RPL37: variants seen among roughly 807,000 people sequenced by gnomAD.
The protein encoded by RPL37 is large ribosomal subunit protein eL37.
RPL37 carries 1 observed loss-of-function variant against 14.8 expected under a neutral mutation model. The observed-to-expected ratio is 0.07, with a 90% CI of 0.02 to 0.32. The LOEUF (loss-of-function observed/expected upper bound fraction) is 0.32. Among genes scored for constraint, RPL37 ranks in the 10% least tolerant of loss-of-function variants. The probability of loss-of-function intolerance (pLI) is 1.00; values close to 1 mark genes in which losing one functional copy is unlikely to be tolerated. For missense variants in RPL37, 100 were observed against 128.3 expected (o/e 0.78, Z 1.06); for synonymous variants, 53 against 45.8 (o/e 1.16, Z -0.63).
rs1259893199 is a variant in RPL37, at chr5:40,825,537, T to TG, written c.*6966dup. 2 of 152,266 alleles carry TG rather than the reference T, an allele frequency of 1.3e-5. No individual in the cohort carries two copies. Among genetic ancestry groups the TG allele is most frequent in the African/African-American group, 4.8e-5 (2 of 41,452 alleles). The allele number at this position is 152,266 out of a possible 1,614,324, so 9.4% of individuals were successfully genotyped here. On this transcript the variant is annotated 3_prime_UTR_variant, in exon 4 of 4. Coordinates refer to ENST00000274242, the MANE Select transcript of RPL37 (RefSeq NM_000997.5). Reference sequence around the variant, plus strand: ...TTCTGGCTTCTTATCTCTCCTCTCTTGGGGAGCTGCTGCTTCTCTGTAGGT... The same window carrying TG: ...TTCTGGCTTCTTATCTCTCCTCTCTTGGGGGAGCTGCTGCTTCTCTGTAGGT...
rs1207168066 is a variant in RPL37 at position 40,830,954 on chromosome 5, TTGA to T, written c.*1547_*1549del. The T allele has an allele frequency of 6.6e-6, 1 of 151,862 alleles. No individual in the cohort carries two copies. The highest frequency in any genetic ancestry group is 2.4e-5 in the African/African-American group (1 of 41,332). 9.4% of individuals were successfully genotyped at this position (151,862 alleles called of 1,614,324 possible). A position where few individuals can be genotyped will look rare whatever the true frequency, so the allele number is the denominator to read the frequency against. ...CAACAGACTATCTTCACTTGAAAAT[TTGA>T]TGATGACAGCCGGGAGTGGTGGCTC... On this transcript the variant is annotated 3_prime_UTR_variant, in exon 4 of 4. Coordinates refer to ENST00000274242, the MANE Select transcript of RPL37 (RefSeq NM_000997.5).
At chr5:40,834,945 A>G in intron 1 of RPL37, 1 of 633,818 alleles carries the variant, frequency 1.6e-6, no homozygotes, top group Non-Finnish European at 2.8e-6. Flanking sequence ...AAAGGTCTCC[A>G]AAGGTTGGAC....
Position 40,832,457 on chromosome 5 carries a change from A to AT in RPL37, c.*46dup. On this transcript the variant is annotated 3_prime_UTR_variant, in exon 4 of 4. Coordinates refer to ENST00000274242, the MANE Select transcript of RPL37 (RefSeq NM_000997.5). ...AATACCTTACCAAAACCAGATATGT[A>AT]TTTTTTAAAACCAGAACATTTATTG... is the stretch of plus-strand genomic sequence containing the variant. 4 of 1,521,806 alleles carry AT rather than the reference A, an allele frequency of 2.6e-6. No homozygotes were observed. The highest frequency in any genetic ancestry group is 2.3e-5 in the East Asian group (1 of 44,412). 94.3% of individuals were successfully genotyped at this position (1,521,806 alleles called of 1,614,324 possible).
intron 1 of RPL37, 21 bp downstream of exon 1, chr5:40,835,162 A>C (rs761318731): frequency 1.9e-6 from 3 of 1,614,102 alleles, no homozygotes; most frequent in Non-Finnish European, 2.5e-6. Context: ...GCGATTCACA[A>C]ACACCACAGT....
At chr5:40,834,787 C>T (rs1416810663) in intron 1 of RPL37, among the ~76,000 whole-genome samples, 181 bp from the exon 2 acceptor site, 2 of 152,210 alleles carry the variant, frequency 1.3e-5, no homozygotes, top group African/African-American at 4.8e-5. Flanking sequence ...TTACCTAAAA[C>T]CCTCCGCAAG....
chr5:40,828,092 T>C lies in RPL37; in HGVS notation c.*4412A>G, dbSNP rs745486401. Reference sequence around the variant, plus strand: ...TTGCTTTTCTTACATGAAGTTATGCTATTACAAAATTAAGTTTCAATTACA... The same window carrying C: ...TTGCTTTTCTTACATGAAGTTATGCCATTACAAAATTAAGTTTCAATTACA... On this transcript the variant is annotated 3_prime_UTR_variant, in exon 4 of 4. Transcript: ENST00000274242. 3.9e-5 allele frequency: 6 copies of C among 152,228 alleles called. No homozygotes were observed. The highest frequency in any genetic ancestry group is 8.8e-5 in the Non-Finnish European group (6 of 68,046). 9.4% of individuals were successfully genotyped at this position (152,228 alleles called of 1,614,324 possible). A position where few individuals can be genotyped will look rare whatever the true frequency, so the allele number is the denominator to read the frequency against.
rs980290999 is a variant in RPL37 at position 40,826,416 on chromosome 5, A to G, written c.*6088T>C. On this transcript the variant is annotated 3_prime_UTR_variant, in exon 4 of 4. Coordinates refer to ENST00000274242, the MANE Select transcript of RPL37 (RefSeq NM_000997.5). Reference sequence around the variant, plus strand: ...TGGTCATTTTTTAGAATCCTCAGCCATATCAAGGATACAGAAGGGGTCTAG... The same window carrying G: ...TGGTCATTTTTTAGAATCCTCAGCCGTATCAAGGATACAGAAGGGGTCTAG... 3.9e-5 allele frequency: 6 copies of G among 152,182 alleles called. No individual in the cohort carries two copies. Among genetic ancestry groups the G allele is most frequent in the East Asian group, 1.9e-4 (1 of 5,198 alleles). The allele number at this position is 152,182 out of a possible 1,614,324, so 9.4% of individuals were successfully genotyped here.
At position 40,829,822 on chromosome 5, in the gene RPL37, A is replaced by C. The variant is rs892377206; in HGVS notation, c.*2682T>G. 1 of 151,884 alleles carries C rather than the reference A, an allele frequency of 6.6e-6. No individual in the cohort carries two copies. Among genetic ancestry groups the C allele is most frequent in the African/African-American group, 2.4e-5 (1 of 41,310 alleles). The allele number at this position is 151,884 out of a possible 1,614,324, so 9.4% of individuals were successfully genotyped here. A position where few individuals can be genotyped will look rare whatever the true frequency, so the allele number is the denominator to read the frequency against. On this transcript the variant is annotated 3_prime_UTR_variant, in exon 4 of 4. Coordinates refer to ENST00000274242, the MANE Select transcript of RPL37 (RefSeq NM_000997.5). Reference sequence around the variant, plus strand: ...CTAGTAGCTGGGATTACAGGCATGCACCACCACGCCCGGCTAATATTTTTG... The same window carrying C: ...CTAGTAGCTGGGATTACAGGCATGCCCCACCACGCCCGGCTAATATTTTTG...
In RPL37 at chr5:40,832,366, A is replaced by G. The variant is rs1214078616; in HGVS notation, c.*138T>C. 2 of 771,710 alleles carry G rather than the reference A, an allele frequency of 2.6e-6. No homozygotes were observed. The highest frequency in any genetic ancestry group is 2.3e-6 in the Non-Finnish European group (1 of 430,802). The allele number at this position is 771,710 out of a possible 1,614,324, so 47.8% of individuals were successfully genotyped here. On this transcript the variant is annotated 3_prime_UTR_variant, in exon 4 of 4. Coordinates refer to ENST00000274242, the MANE Select transcript of RPL37 (RefSeq NM_000997.5). ...AACAGTCACTTAACAAGTAAATCTG[A>G]TATGAAGCTAGCCCAGTCCCTAAAC... is the stretch of plus-strand genomic sequence containing the variant.
In RPL37 at chr5:40,832,252, G is replaced by A; in HGVS notation, c.*252C>T. On this transcript the variant is annotated 3_prime_UTR_variant, in exon 4 of 4. Transcript: ENST00000274242. Reference sequence around the variant, plus strand: ...TTAATCTGCTATATTGTCTTCCAGTGCCCTCTGCTTCAAGGACTCCTGGAA... The same window carrying A: ...TTAATCTGCTATATTGTCTTCCAGTACCCTCTGCTTCAAGGACTCCTGGAA... 1 of 485,930 alleles carries A rather than the reference G, an allele frequency of 2.1e-6. No individual in the cohort carries two copies. The highest frequency in any genetic ancestry group is 2.1e-5 in the South Asian group (1 of 46,728). The allele number at this position is 485,930 out of a possible 1,614,324, so 30.1% of individuals were successfully genotyped here.
chr5:40,834,302 T>A, intron 2 of RPL37, 37 bp from the exon 3 acceptor site: 2 of 1,591,346 alleles, frequency 1.3e-6, no homozygotes, highest in East Asian at 2.2e-5. Context: ...CAAACGGTGT[T>A]CTCCCACACA....
rs114522859 is a variant in RPL37 at position 40,833,237 on chromosome 5, C to G, written c.225-664G>C. On this transcript the variant is annotated intron_variant, in intron 3 of 3. Transcript: ENST00000274242. ...TTGCTATCTTTAAAACTGGACACTC[C>G]GGAGACTGAGTGGGTAGAGGCTAGG... Among the ~76,000 whole-genome samples, 579 of 152,200 alleles carry G rather than the reference C, an allele frequency of 3.8e-3. 7 individuals carry two copies. Among genetic ancestry groups the G allele is most frequent in the Middle Eastern group, 0.014 (4 of 294 alleles).
At position 40,834,223 on chromosome 5, in the gene RPL37, G is replaced by A; in HGVS notation, c.182C>T (p.Thr61Ile). ...AATTTTTAGGTGCCTCATTCGACCAGTTCCGGTGGTATTTCGTCTTTTAGC... is the reference window on the plus strand; with the variant it reads ...AATTTTTAGGTGCCTCATTCGACCAATTCCGGTGGTATTTCGTCTTTTAGC... ...AKAKRRNTTG[T>I]GRMRHLKIVY... The change falls in exon 3 of 4, where the codon ACT (threonine) becomes ATT (isoleucine). Residue 61 changes from threonine (T) to isoleucine (I), a missense_variant. By Grantham distance (89) the Thr-to-Ile change is moderately conservative (BLOSUM62 -1). Coordinates refer to ENST00000274242, the MANE Select transcript of RPL37 (RefSeq NM_000997.5). 1 of 1,614,136 alleles carries A rather than the reference G, an allele frequency of 6.2e-7. No individual in the cohort carries two copies. Among genetic ancestry groups the A allele is most frequent in the South Asian group, 1.1e-5 (1 of 91,084 alleles).
rs1745529931 is a variant in RPL37, at chr5:40,826,900, C to T, written c.*5604G>A. ...TCAAGCAATCCTTCCACCTCAGCTC[C>T]CTGAGTAGCTGGGACTACAGGCACA... On this transcript the variant is annotated 3_prime_UTR_variant, in exon 4 of 4. Transcript: ENST00000274242. The T allele has an allele frequency of 6.6e-6, 1 of 152,240 alleles. No homozygotes were observed. Among genetic ancestry groups the T allele is most frequent in the African/African-American group, 2.4e-5 (1 of 41,448 alleles). 9.4% of individuals were successfully genotyped at this position (152,240 alleles called of 1,614,324 possible).
At position 40,831,951 on chromosome 5, in the gene RPL37, TTAGC is replaced by T. The variant is rs1451264451; in HGVS notation, c.*549_*552del. The stretch of plus-strand genomic sequence containing the variant: ...CTCACACCTAGCAGGCTTTTTTCAC[TTAGC>T]TAGCCACCTTACACACAGCCCACAA... On this transcript the variant is annotated 3_prime_UTR_variant, in exon 4 of 4. Coordinates refer to ENST00000274242, the MANE Select transcript of RPL37 (RefSeq NM_000997.5). The T allele has an allele frequency of 6.5e-6, 1 of 153,606 alleles. No homozygotes were observed. Among genetic ancestry groups the T allele is most frequent in the African/African-American group, 2.4e-5 (1 of 41,462 alleles). The allele number at this position is 153,606 out of a possible 1,614,324, so 9.5% of individuals were successfully genotyped here.
In RPL37 at chr5:40,830,409, C is replaced by A. The variant is rs1432646573; in HGVS notation, c.*2095G>T. 6.6e-6 allele frequency: 1 copy of A among 152,020 alleles called. No homozygotes were observed. The highest frequency in any genetic ancestry group is 1.9e-4 in the East Asian group (1 of 5,170). 9.4% of individuals were successfully genotyped at this position (152,020 alleles called of 1,614,324 possible). On this transcript the variant is annotated 3_prime_UTR_variant, in exon 4 of 4. Transcript: ENST00000274242. ...ATCACTTGAAACCAGGAGTCCAAGA[C>A]CAGCCTGGGCAACATAGTTTAACTC...
At position 40,828,167 on chromosome 5, in the gene RPL37, A is replaced by ACT; in HGVS notation, c.*4336_*4337insAG. On this transcript the variant is annotated 3_prime_UTR_variant, in exon 4 of 4. Coordinates refer to ENST00000274242, the MANE Select transcript of RPL37 (RefSeq NM_000997.5). ...CCCAAAACTCAAAAAGGGCTGAATG[A>ACT]TAAGTCATTCAGGTAAAGACAAAAG... is the stretch of plus-strand genomic sequence containing the variant. The ACT allele has an allele frequency of 6.6e-6, 1 of 152,344 alleles. No homozygotes were observed. The highest frequency in any genetic ancestry group is 3.4e-3 in the Middle Eastern group (1 of 294). The allele number at this position is 152,344 out of a possible 1,614,324, so 9.4% of individuals were successfully genotyped here. A position where few individuals can be genotyped will look rare whatever the true frequency, so the allele number is the denominator to read the frequency against.
At chr5:40,833,259 T>G (rs887473403) in intron 3 of RPL37, among the ~76,000 whole-genome samples, 4 of 152,338 alleles carry the variant, frequency 2.6e-5, no homozygotes, top group Middle Eastern at 3.4e-3. Context: ...GGGTAGAGGC[T>G]AGGGATTCTG....
Position 40,832,606 on chromosome 5 carries a change from TCAG to T in RPL37, c.225-36_225-34del, listed in dbSNP as rs1476590974. ...ATGTCAAAAACAAGAACAAGTTACT[TCAG>T]CAACATCGATGCATACATTTTAATT... On this transcript the variant is annotated intron_variant, in intron 3 of 3. Transcript: ENST00000274242. 2.6e-6 allele frequency: 4 copies of T among 1,540,172 alleles called. No individual in the cohort carries two copies. The African/African-American group carries it at 5.4e-5, about 21-fold the overall frequency.
Sources: allele counts gnomAD v4.1 joint callset (sites outside exome capture counted in the v4.1 genomes callset), GRCh38; gene constraint gnomAD v4.1.1; transcripts MANE v1.5; gene names NCBI Gene and HGNC (gene_info 2026-07-23, HGNC 2026-07-21).